The following IWS1 variants were observed in gnomAD, a reference collection of about 807,000 sequenced individuals.
IWS1 encodes protein IWS1 homolog.
IWS1 carries 27 observed loss-of-function variants against 86.7 expected under a neutral mutation model. That is an observed-to-expected ratio of 0.31 (90% CI 0.23 to 0.43). IWS1 has a LOEUF of 0.43. Ranked by LOEUF, IWS1 falls within the 20% of genes least tolerant of loss-of-function variation. The probability of loss-of-function intolerance (pLI) is 1.00; values close to 1 mark genes in which losing one functional copy is unlikely to be tolerated. For synonymous variants in IWS1, 313 were observed against 335.1 expected, an observed-to-expected ratio of 0.93 and a Z score of 0.72; for missense variants, 827 against 1,000.8, an observed-to-expected ratio of 0.83 and a Z score of 2.34.
chr2:127,495,849 T>C (rs1399073136), intron 7 of IWS1, 149 bp downstream of exon 7: 2 of 710,780 alleles, frequency 2.8e-6, no homozygotes, highest in African/African-American at 1.8e-5. Flanking sequence ...AATTAAAATA[T>C]TTCCATGATT....
At chr2:127,486,494 A>G in intron 13 of IWS1, 59 bp downstream of exon 13, 1 of 1,180,084 alleles carries the variant, frequency 8.5e-7, no homozygotes, top group Admixed American at 1.7e-5. Flanking sequence ...CACATGAAGT[A>G]AAGAGTCAAA....
chr2:127,515,692 G>A lies in IWS1; in HGVS notation c.150+7984C>T, dbSNP rs575544554. Among the ~76,000 whole-genome samples the A allele has an allele frequency of 1.6e-3, 239 of 152,184 alleles. 1 individual carries two copies. Among genetic ancestry groups the A allele is most frequent in the Non-Finnish European group, 2.9e-3 (195 of 67,994 alleles). On this transcript the variant is annotated intron_variant, in intron 2 of 13. Transcript: ENST00000295321. ...TAAAGCCTCTACAAATGGTCCTAAC[G>A]GCAAAGGGCAAATGAAGAAACGCCT...
rs1691054094 is a variant in IWS1, at chr2:127,505,110, T to C, written c.793A>G (p.Asn265Asp). The change falls in exon 3 of 14, where the codon AAT becomes GAT. Residue 265 changes from asparagine to aspartate, a missense_variant. By Grantham distance (23) the Asn-to-Asp change is conservative. Coordinates refer to ENST00000295321, the MANE Select transcript of IWS1 (RefSeq NM_017969.3). This position sits in a 1 kb window ranked among gnomAD's most constrained non-coding sequence, Gnocchi z 5.0. Reference protein sequence around the residue: ...PPRHQASDSENEELPKPRISD... With the variant: ...PPRHQASDSEDEELPKPRISD... ...ATTCGGGGTTTGGGAAGCTCTTCAT[T>C]TTCTGAGTCACTGGCCTGGTGCCTC... 1 of 1,610,592 alleles carries C rather than the reference T, an allele frequency of 6.2e-7. No homozygotes were observed. Among genetic ancestry groups the C allele is most frequent in the Non-Finnish European group, 8.5e-7 (1 of 1,178,116 alleles).
At chr2:127,520,415 C>T (rs1050964317) in intron 2 of IWS1, among the ~76,000 whole-genome samples, 1 of 152,190 alleles carries the variant, frequency 6.6e-6, no homozygotes, top group Admixed American at 6.5e-5. Context: ...GATCCACCCA[C>T]CTCGGCCTCC....
At chr2:127,485,904 C>G (rs1573500660) in intron 13 of IWS1, 1 of 153,104 alleles carries the variant, frequency 6.5e-6, no homozygotes, top group Middle Eastern at 3.4e-3. Flanking sequence ...TAGGGCCAGG[C>G]CTATAGGGGC....
rs1558745629 is a variant in IWS1 at position 127,493,430 on chromosome 2, T to C, written c.1800-20A>G. ...TCCTGCCTGCAGTAACAATAATTTTTAAAAATTCTGTGAACCTTGGTTCTA... is the reference window on the plus strand; with the variant it reads ...TCCTGCCTGCAGTAACAATAATTTTCAAAAATTCTGTGAACCTTGGTTCTA... On this transcript the variant is annotated intron_variant, in intron 8 of 13. Transcript: ENST00000295321. 1.3e-6 allele frequency: 2 copies of C among 1,581,662 alleles called. No homozygotes were observed. The highest frequency in any genetic ancestry group is 1.7e-6 in the Non-Finnish European group (2 of 1,170,518).
At chr2:127,515,636 T>C (rs1691727862) in intron 2 of IWS1, among the ~76,000 whole-genome samples, 1 of 152,048 alleles carries the variant, frequency 6.6e-6, no homozygotes, top group African/African-American at 2.4e-5. Context: ...TCTACCGACC[T>C]CCCCAGTGAA....
chr2:127,494,965 A>G lies in IWS1; in HGVS notation c.1717-11T>C, dbSNP rs1377378503. 1 of 1,540,118 alleles carries G rather than the reference A, an allele frequency of 6.5e-7. No homozygotes were observed. The highest frequency in any genetic ancestry group is 1.4e-5 in the African/African-American group (1 of 72,052). On this transcript the variant is annotated splice_polypyrimidine_tract_variant and intron_variant, in intron 7 of 13. Transcript: ENST00000295321. The stretch of plus-strand genomic sequence containing the variant: ...CAACTGTCTGTCTTCCTATTCAGAA[A>G]AAAAATAAAGATTTTTTTTTAAAAC...
chr2:127,504,795 G>C lies in IWS1; in HGVS notation c.1108C>G (p.His370Asp). ...TCACTGTCCATTTTTTGCTTTTTGT[G>C]TTCTTCCTCCTCACTATCAGAACTG... ...FHSSDSEEEE[H>D]KKQKMDSDED... Residue 370 changes from histidine (H) to aspartate (D), a missense_variant, in exon 3 of 14, where the codon CAC becomes GAC. Physicochemically the swap from His to Asp is moderately conservative, Grantham distance 81 (BLOSUM62 -1). Coordinates refer to ENST00000295321, the MANE Select transcript of IWS1 (RefSeq NM_017969.3). The C allele has an allele frequency of 6.2e-7, 1 of 1,612,878 alleles. No individual in the cohort carries two copies. Among genetic ancestry groups the C allele is most frequent in the Non-Finnish European group, 8.5e-7 (1 of 1,179,660 alleles).
At chr2:127,520,007 A>C (rs1692002364) in intron 2 of IWS1, among the ~76,000 whole-genome samples, 1 of 152,122 alleles carries the variant, frequency 6.6e-6, no homozygotes, top group Non-Finnish European at 1.5e-5. Flanking sequence ...GGACACCTTG[A>C]TTTTAGTACA....
chr2:127,503,556 C>A lies in IWS1; in HGVS notation c.1240G>T (p.Val414Phe). Residue 414 changes from valine to phenylalanine, a missense_variant, in exon 4 of 14, where the codon GTC (valine) becomes TTC (phenylalanine). Transcript: ENST00000295321. ...EKASAKKSRVVSDADDSDSDA... is the reference protein window; with the variant it reads ...EKASAKKSRVFSDADDSDSDA... ...CTGTCAGAGTCATCTGCATCAGAGA[C>A]AACACGACTCTTCTTTGCTGCTGTT... 6.3e-7 allele frequency: 1 copy of A among 1,591,624 alleles called. No individual in the cohort carries two copies. Among genetic ancestry groups the A allele is most frequent in the African/African-American group, 1.3e-5 (1 of 74,248 alleles).
intron 1 of IWS1, among the ~76,000 whole-genome samples, 184 bp from the exon 2 acceptor site, chr2:127,523,975 T>A (rs1219611143): frequency 6.6e-6 from 1 of 152,208 alleles, no homozygotes; most frequent in Admixed American, 6.5e-5. Flanking sequence ...AAGCATAACA[T>A]GTACTGTGAA....
chr2:127,497,478 C>T (rs1415524205), intron 6 of IWS1, among the ~76,000 whole-genome samples: 1 of 152,220 alleles, frequency 6.6e-6, no homozygotes, highest in African/African-American at 2.4e-5. Context: ...TGGAAAACTA[C>T]AGGCTTGCTA....
intron 1 of IWS1, 78 bp downstream of exon 1, chr2:127,526,097 C>G: frequency 2.1e-6 from 3 of 1,430,402 alleles, no homozygotes; most frequent in Non-Finnish European, 2.9e-6. Flanking sequence ...TCCTTGCCCC[C>G]ACCCGCGGGG....
chr2:127,500,475 T>C (rs1214415890), intron 5 of IWS1, among the ~76,000 whole-genome samples: 4 of 152,140 alleles, frequency 2.6e-5, no homozygotes, highest in African/African-American at 9.7e-5. Context: ...AAGTGACCTC[T>C]TTATCTTAAG....
chr2:127,524,264 A>G (rs1183360885), intron 1 of IWS1, among the ~76,000 whole-genome samples: 1 of 152,258 alleles, frequency 6.6e-6, no homozygotes, highest in Non-Finnish European at 1.5e-5. Context: ...TTTGTTTACA[A>G]ATGAAGAACA....
intron 3 of IWS1, among the ~76,000 whole-genome samples, chr2:127,504,376 C>T (rs559173785): frequency 1.2e-4 from 18 of 151,400 alleles, no homozygotes; most frequent in South Asian, 8.4e-4. Context: ...TTTATGTAAA[C>T]GTATTTCTTT....
intron 12 of IWS1, among the ~76,000 whole-genome samples, 155 bp from the exon 13 acceptor site, chr2:127,486,819 G>A (rs1490121464): frequency 6.6e-6 from 1 of 152,138 alleles, no homozygotes; most frequent in Non-Finnish European, 1.5e-5. Flanking sequence ...CCACCCTCCT[G>A]CCGCCTCCCA....
rs373170179 is a variant in IWS1 at position 127,498,048 on chromosome 2, C to G, written c.1565+92G>C. On this transcript the variant is annotated intron_variant, in intron 6 of 13. Coordinates refer to ENST00000295321, the MANE Select transcript of IWS1 (RefSeq NM_017969.3). ...GAATAGACCCACTCCTAAACTTAAT[C>G]AGGAACCAAAATGAAAAACAAAAGA... The G allele has an allele frequency of 7.9e-5, 79 of 998,484 alleles. No individual in the cohort carries two copies. In the African/African-American group the frequency reaches 1.2e-3, roughly 16 times the overall value. The allele number at this position is 998,484 out of a possible 1,614,324, so 61.9% of individuals were successfully genotyped here. A position where few individuals can be genotyped will look rare whatever the true frequency, so the allele number is the denominator to read the frequency against.
Sources: allele counts gnomAD v4.1 joint callset (sites outside exome capture counted in the v4.1 genomes callset), GRCh38; gene constraint gnomAD v4.1.1; non-coding constraint Gnocchi (gnomAD v3.1); transcripts MANE v1.5; gene names NCBI Gene and HGNC (gene_info 2026-07-23, HGNC 2026-07-21).